Variants in LDLRAD3 observed in about 807,000 individuals in gnomAD.
The protein encoded by LDLRAD3 is low-density lipoprotein receptor class A domain-containing protein 3.
In LDLRAD3, 20 loss-of-function variants were observed where a neutral mutation model predicts 29.4. The observed-to-expected ratio is 0.68, with a 90% CI of 0.48 to 0.99. The LOEUF (loss-of-function observed/expected upper bound fraction) is 0.99, where lower values mean the gene tolerates loss of function less well. Among genes scored for constraint, LDLRAD3 ranks in the 50% least tolerant of loss-of-function variants. The pLI is 0.00. For synonymous variants in LDLRAD3, 157 were observed against 192.7 expected, an observed-to-expected ratio of 0.81 and a Z score of 1.53; for missense variants, 420 against 454.3, an observed-to-expected ratio of 0.92 and a Z score of 0.69.
At chr11:36,085,309 C>T (rs561601910) in intron 3 of LDLRAD3, among the ~76,000 whole-genome samples, 6 of 150,026 alleles carry the variant, frequency 4.0e-5, no homozygotes, top group South Asian at 2.1e-4. Flanking sequence ...GTTGTTTCCC[C>T]GTAGATTATA....
In LDLRAD3 at chr11:36,213,616, G is replaced by A. The variant is rs1232471163; in HGVS notation, c.455-13469G>A. Among the ~76,000 whole-genome samples the A allele has an allele frequency of 6.6e-6, 1 of 152,176 alleles. No homozygotes were observed. Among genetic ancestry groups the A allele is most frequent in the African/African-American group, 2.4e-5 (1 of 41,446 alleles). ...CACTGTGGCAGAGGCCATGGTAGGA[G>A]GCATGCAGGAGTGAAATGGGACCCC... On this transcript the variant is annotated intron_variant, in intron 4 of 5. Coordinates refer to ENST00000315571, the MANE Select transcript of LDLRAD3 (RefSeq NM_174902.4). This position sits in a 1 kb window ranked among gnomAD's most constrained non-coding sequence, Gnocchi z 4.1.
At chr11:36,093,429 T>A (rs765216805) in intron 3 of LDLRAD3, among the ~76,000 whole-genome samples, 1 of 151,614 alleles carries the variant, frequency 6.6e-6, no homozygotes, top group Non-Finnish European at 1.5e-5. Context: ...CCATTAAGGT[T>A]TTTTTTTTCT....
intron 2 of LDLRAD3, among the ~76,000 whole-genome samples, chr11:36,050,773 A>T (rs1039557616): frequency 5.3e-5 from 8 of 152,154 alleles, no homozygotes; most frequent in Non-Finnish European, 1.2e-4. Context: ...ATCTTAATCC[A>T]TTCAAATACC....
chr11:36,223,269 A>T (rs1315462374), intron 4 of LDLRAD3, among the ~76,000 whole-genome samples: 1 of 152,206 alleles, frequency 6.6e-6, no homozygotes, highest in Non-Finnish European at 1.5e-5. Context: ...TTTCGGAGAC[A>T]TAAGTGAGCC....
intron 2 of LDLRAD3, among the ~76,000 whole-genome samples, chr11:36,055,803 C>T (rs1267442326): frequency 1.3e-5 from 2 of 152,172 alleles, no homozygotes; most frequent in African/African-American, 4.8e-5. Context: ...CCTTCAAGCA[C>T]CCTTACAACT....
intron 2 of LDLRAD3, among the ~76,000 whole-genome samples, chr11:36,071,601 C>T (rs910698667): frequency 6.6e-6 from 1 of 152,146 alleles, no homozygotes; most frequent in African/African-American, 2.4e-5. Flanking sequence ...TATTATGTAG[C>T]AAAAACAGGT....
intron 4 of LDLRAD3, among the ~76,000 whole-genome samples, chr11:36,202,066 C>T (rs796736619): frequency 7.6e-6 from 1 of 131,404 alleles, no homozygotes; most frequent in Non-Finnish European, 1.6e-5. Flanking sequence ...TTTTTTAAGA[C>T]GGAGTTTCAC....
chr11:36,148,445 C>G (rs996523709), intron 4 of LDLRAD3, among the ~76,000 whole-genome samples: 1 of 152,146 alleles, frequency 6.6e-6, no homozygotes, highest in Non-Finnish European at 1.5e-5. Context: ...CTTTTCTATT[C>G]CCTAACGAGG....
At chr11:36,117,476 A>G (rs1301227253) in intron 4 of LDLRAD3, among the ~76,000 whole-genome samples, 1 of 152,232 alleles carries the variant, frequency 6.6e-6, no homozygotes, top group Non-Finnish European at 1.5e-5. Context: ...GGGTTTGGCC[A>G]TTGTCATTTT....
rs908588374 is a variant in LDLRAD3, at chr11:36,123,900, A to G, written c.454+25439A>G. Among the ~76,000 whole-genome samples the G allele has an allele frequency of 2.0e-5, 3 of 152,226 alleles. No homozygotes were observed. The East Asian group carries it at 5.8e-4, about 29-fold the overall frequency. On this transcript the variant is annotated intron_variant, in intron 4 of 5. Coordinates refer to ENST00000315571, the MANE Select transcript of LDLRAD3 (RefSeq NM_174902.4). Reference sequence around the variant, plus strand: ...AGTCTGCCTCCGCCTCATTATTTACATAGACTGTAAAATAAAGCTTAACTC... The same window carrying G: ...AGTCTGCCTCCGCCTCATTATTTACGTAGACTGTAAAATAAAGCTTAACTC...
intron 4 of LDLRAD3, among the ~76,000 whole-genome samples, chr11:36,170,269 T>G (rs1337905654): frequency 6.7e-6 from 1 of 149,074 alleles, no homozygotes; most frequent in African/African-American, 2.5e-5. Context: ...CACATATATA[T>G]ACACATATAT....
intron 4 of LDLRAD3, among the ~76,000 whole-genome samples, chr11:36,167,770 G>C (rs887346361): frequency 6.6e-6 from 1 of 152,170 alleles, no homozygotes; most frequent in African/African-American, 2.4e-5. Flanking sequence ...GCAGTTCATG[G>C]CACTTTGTTA....
At chr11:36,073,165 T>C (rs1034993929) in intron 2 of LDLRAD3, among the ~76,000 whole-genome samples, 1 of 152,252 alleles carries the variant, frequency 6.6e-6, no homozygotes, top group African/African-American at 2.4e-5. Context: ...CTACTTTTTT[T>C]ATTTTTTATT....
At chr11:36,019,729 C>G (rs986757586) in intron 1 of LDLRAD3, among the ~76,000 whole-genome samples, 15 of 152,192 alleles carry the variant, frequency 9.9e-5, no homozygotes, top group African/African-American at 3.6e-4. Context: ...GCAGCTGTCA[C>G]TATTCCCTGG....
intron 1 of LDLRAD3, among the ~76,000 whole-genome samples, chr11:36,006,435 G>A (rs529665594): frequency 5.9e-5 from 9 of 152,322 alleles, no homozygotes; most frequent in African/African-American, 1.9e-4. Context: ...TAGTGAAAGC[G>A]CTGAGCTGTG....
At chr11:35,961,526 A>T (rs888766206) in intron 1 of LDLRAD3, among the ~76,000 whole-genome samples, 1 of 152,236 alleles carries the variant, frequency 6.6e-6, no homozygotes, top group Non-Finnish European at 1.5e-5. Flanking sequence ...TGCTTAGCCC[A>T]TGCTGGCATT....
At chr11:36,169,861 T>G (rs752840745) in intron 4 of LDLRAD3, among the ~76,000 whole-genome samples, 1 of 152,186 alleles carries the variant, frequency 6.6e-6, no homozygotes, top group Non-Finnish European at 1.5e-5. Context: ...TAGGTTTTTG[T>G]ATTTTTTAAG....
intron 4 of LDLRAD3, among the ~76,000 whole-genome samples, chr11:36,183,339 T>G (rs1014366851): frequency 6.6e-6 from 1 of 152,224 alleles, no homozygotes; most frequent in African/African-American, 2.4e-5. Flanking sequence ...TGTAAAAGAT[T>G]TTTTGCTTTG....
intron 2 of LDLRAD3, among the ~76,000 whole-genome samples, chr11:36,046,278 CT>C (rs1389282106): frequency 6.6e-6 from 1 of 152,206 alleles, no homozygotes; most frequent in East Asian, 1.9e-4. Context: ...CAAGACGTGG[CT>C]TTGCTTCTCC....
Sources: gnomAD v4.1 joint callset for allele counts (sites outside exome capture counted in the v4.1 genomes callset) on GRCh38, gnomAD v4.1.1 for gene constraint, Gnocchi (gnomAD v3.1) non-coding constraint, MANE v1.5 for transcripts, NCBI Gene and HGNC (gene_info 2026-07-23, HGNC 2026-07-21) for gene names.